TSPEAR: variants seen among roughly 807,000 people sequenced by gnomAD.
TSPEAR encodes thrombospondin-type laminin G domain and EAR repeat-containing protein.
Under a neutral mutation model 71.6 loss-of-function variants are expected in TSPEAR, and 69 were observed. The ratio of observed to expected loss-of-function variants is 0.96; its 90% CI spans 0.79 to 1.18. The LOEUF is 1.18. Among genes scored for constraint, TSPEAR ranks in the 50% most tolerant of loss-of-function variants. TSPEAR has a pLI of 0.00. For missense variants in TSPEAR, 971 were observed against 894.9 expected (o/e 1.09, Z -1.09); for synonymous variants, 402 against 387.2 (o/e 1.04, Z -0.45).
At chr21:44,601,361 C>G (rs369821998) in intron 1 of TSPEAR, 2 of 1,611,646 alleles carry the variant, frequency 1.2e-6, no homozygotes, top group African/African-American at 1.3e-5. Context: ...TCTGATGATT[C>G]CGGTTCATGC....
In TSPEAR at chr21:44,687,966, C is replaced by A. The variant is rs1481576108; in HGVS notation, c.82+23467G>T. Among the ~76,000 whole-genome samples the A allele has an allele frequency of 6.6e-6, 1 of 152,206 alleles. No individual in the cohort carries two copies. Among genetic ancestry groups the A allele is most frequent in the Non-Finnish European group, 1.5e-5 (1 of 68,044 alleles). On this transcript the variant is annotated intron_variant, in intron 1 of 11. Coordinates refer to ENST00000323084, the MANE Select transcript of TSPEAR (RefSeq NM_144991.3). This position sits in a 1 kb window ranked among gnomAD's most constrained non-coding sequence, Gnocchi z 4.4. ...GCCGGCTCGGGGGTGAGTATCCGATCAAGCACAGTGAGTGACGTGCCAGGT... is the reference window on the plus strand; with the variant it reads ...GCCGGCTCGGGGGTGAGTATCCGATAAAGCACAGTGAGTGACGTGCCAGGT...
At chr21:44,666,192 A>C in intron 1 of TSPEAR, 1 of 495,666 alleles carries the variant, frequency 2.0e-6, no homozygotes, top group Non-Finnish European at 3.5e-6. Flanking sequence ...GCAGAGCTGC[A>C]TGGGGAAAGC....
At chr21:44,601,450 G>T (rs781833744) in intron 1 of TSPEAR, 2 of 1,610,460 alleles carry the variant, frequency 1.2e-6, no homozygotes, top group South Asian at 2.2e-5. Flanking sequence ...TGTGTGCTGT[G>T]TGCCCGTCTG....
At chr21:44,526,374 G>C (rs1050468278) in intron 7 of TSPEAR, among the ~76,000 whole-genome samples, 2 of 152,074 alleles carry the variant, frequency 1.3e-5, no homozygotes, top group Non-Finnish European at 2.9e-5. Context: ...ATGAACCTAC[G>C]TACTTGCTTG....
intron 1 of TSPEAR, among the ~76,000 whole-genome samples, chr21:44,656,331 A>G (rs1985144815): frequency 6.6e-6 from 1 of 152,226 alleles, no homozygotes; most frequent in Admixed American, 6.5e-5. Context: ...CCTAAAGGAC[A>G]TCCGTGCACG....
At chr21:44,689,712 A>AATATAT (rs71199618) in intron 1 of TSPEAR, among the ~76,000 whole-genome samples, 1,658 of 62,012 alleles carry the variant, frequency 0.027, 103 homozygotes, top group Admixed American at 0.041. Context: ...GAATAGAATG[A>AATATAT]ATATATATAT....
In TSPEAR at chr21:44,593,798, A is replaced by G. The variant is rs893740972; in HGVS notation, c.83-25793T>C. On this transcript the variant is annotated intron_variant, in intron 1 of 11. Coordinates refer to ENST00000323084, the MANE Select transcript of TSPEAR (RefSeq NM_144991.3). The surrounding 1 kb of genome is among the most constrained non-coding windows in gnomAD (Gnocchi z 5.9). ...CTCACGCCACAGCTGCTGTTTTTCT[A>G]CAGTGGCTAAACACGCACTGGCCCC... Among the ~76,000 whole-genome samples the G allele has an allele frequency of 8.5e-5, 13 of 152,224 alleles. No individual in the cohort carries two copies. The highest frequency in any genetic ancestry group is 7.7e-4 in the East Asian group (4 of 5,192).
intron 2 of TSPEAR, 75 bp from the exon 3 acceptor site, chr21:44,533,998 G>A (rs2053031629): frequency 6.3e-6 from 7 of 1,111,714 alleles, no homozygotes; most frequent in East Asian, 2.6e-5. Context: ...GATGGGAATG[G>A]CAGAGGTGAT....
At chr21:44,517,817 G>A (rs1555913669) in intron 9 of TSPEAR, 1 of 471,128 alleles carries the variant, frequency 2.1e-6, no homozygotes, top group African/African-American at 2.0e-5. Flanking sequence ...GGCTGCCGCG[G>A]CTCCTGTGTG....
chr21:44,676,141 A>G, intron 1 of TSPEAR: 1 of 957,982 alleles, frequency 1.0e-6, no homozygotes, highest in Middle Eastern at 2.3e-4. Flanking sequence ...CGGGAATAGA[A>G]GCAGGGACTG....
intron 1 of TSPEAR, among the ~76,000 whole-genome samples, chr21:44,656,891 G>A (rs1278446080): frequency 1.3e-5 from 2 of 151,768 alleles, no homozygotes; most frequent in African/African-American, 4.8e-5. Flanking sequence ...ATTTCTACTG[G>A]TGTGTCTTCA....
intron 1 of TSPEAR, chr21:44,600,725 A>G: frequency 6.2e-7 from 1 of 1,612,384 alleles, no homozygotes; most frequent in South Asian, 1.1e-5. Flanking sequence ...TGGCAGGTGG[A>G]CGACTGCCCA....
At chr21:44,509,967 T>TG (rs1440118809) in intron 9 of TSPEAR, 2 of 153,174 alleles carry the variant, frequency 1.3e-5, no homozygotes, top group Non-Finnish European at 2.9e-5. Context: ...TCCCTGGCCT[T>TG]GCAGTTTGGC....
intron 1 of TSPEAR, chr21:44,690,587 C>T (rs1987085075): frequency 4.1e-6 from 4 of 985,324 alleles, no homozygotes; most frequent in Admixed American, 6.1e-5. Flanking sequence ...ATTCAGCCCA[C>T]GCTTTCAAAG....
chr21:44,629,443 G>C (rs1233899599), intron 1 of TSPEAR, among the ~76,000 whole-genome samples: 1 of 152,190 alleles, frequency 6.6e-6, no homozygotes, highest in Admixed American at 6.5e-5. Flanking sequence ...CTCTGTGTGT[G>C]TCTCTGCCCT....
At chr21:44,597,730 C>A (rs587743309) in intron 1 of TSPEAR, among the ~76,000 whole-genome samples, 5 of 152,140 alleles carry the variant, frequency 3.3e-5, no homozygotes, top group Non-Finnish European at 7.3e-5. Context: ...CAGCACATGG[C>A]CTCTATGCTC....
intron 2 of TSPEAR, chr21:44,551,301 A>G: frequency 6.2e-7 from 1 of 1,613,432 alleles, no homozygotes; most frequent in Admixed American, 1.7e-5. Flanking sequence ...GGGGCTGGAC[A>G]CACAGCTCAC....
chr21:44,575,837 C>T (rs1255765071), intron 1 of TSPEAR, among the ~76,000 whole-genome samples: 2 of 152,220 alleles, frequency 1.3e-5, no homozygotes, highest in African/African-American at 2.4e-5. Flanking sequence ...TGTCGCTTCG[C>T]TTCCACCCTG....
At chr21:44,592,008 G>C (rs782113689) in intron 1 of TSPEAR, 2 of 1,608,528 alleles carry the variant, frequency 1.2e-6, no homozygotes, top group Non-Finnish European at 1.7e-6. Context: ...GCTTGCAGCA[G>C]ACGGGCACAC....
Sources: allele counts gnomAD v4.1 joint callset (sites outside exome capture counted in the v4.1 genomes callset), GRCh38; gene constraint gnomAD v4.1.1; non-coding constraint Gnocchi (gnomAD v3.1); transcripts MANE v1.5; gene names NCBI Gene and HGNC (gene_info 2026-07-23, HGNC 2026-07-21).